The following SYT11 variants were observed in gnomAD, a reference collection of about 807,000 sequenced individuals.
SYT11 encodes synaptotagmin 11, also known as synaptotagmin-11.
In SYT11, 12 loss-of-function variants were observed where a neutral mutation model predicts 30.4. That is an observed-to-expected ratio of 0.39 (90% CI 0.25 to 0.64). SYT11 has a LOEUF of 0.64. Ranked by LOEUF, SYT11 falls within the 30% of genes least tolerant of loss-of-function variation. The pLI is 0.45. For missense variants in SYT11, 412 were observed against 552.0 expected (o/e 0.75, Z 2.54); for synonymous variants, 204 against 216.0 (o/e 0.94, Z 0.49).
intron 1 of SYT11, among the ~76,000 whole-genome samples, chr1:155,865,063 T>A (rs1031389940): frequency 1.3e-5 from 2 of 152,200 alleles, no homozygotes; most frequent in African/African-American, 4.8e-5. Flanking sequence ...CTGACTCTTT[T>A]GTTCACTGAA....
chr1:155,870,105 A>G (rs1672758715), intron 2 of SYT11, among the ~76,000 whole-genome samples: 1 of 152,180 alleles, frequency 6.6e-6, no homozygotes, highest in Non-Finnish European at 1.5e-5. Context: ...TTTTGTAATT[A>G]CTGTATAGTG....
At chr1:155,880,308 G>A (rs189184567) in intron 2 of SYT11, among the ~76,000 whole-genome samples, 192 bp from the exon 3 acceptor site, 1 of 152,138 alleles carries the variant, frequency 6.6e-6, no homozygotes, top group Non-Finnish European at 1.5e-5. Flanking sequence ...TCAGAATTAT[G>A]GTTATAATGT....
At chr1:155,861,467 T>A (rs1672589849) in intron 1 of SYT11, among the ~76,000 whole-genome samples, 1 of 152,240 alleles carries the variant, frequency 6.6e-6, no homozygotes. Context: ...ATAAATTATA[T>A]CAGCCTGTTA....
chr1:155,867,924 A>T, intron 1 of SYT11, 41 bp from the exon 2 acceptor site: 1 of 1,486,708 alleles, frequency 6.7e-7, no homozygotes. Flanking sequence ...ACAGGAGGTG[A>T]AGTCCACCCG....
rs749784785 is a variant in SYT11, at chr1:155,884,145, G to C, written c.*2637G>C. On this transcript the variant is annotated 3_prime_UTR_variant, in exon 4 of 4. Coordinates refer to ENST00000368324, the MANE Select transcript of SYT11 (RefSeq NM_152280.5). Reference sequence around the variant, plus strand: ...TCATCGCCTTAATGTCTAAAGATCAGAAATCGCTGAGCAAACCCGCTTTTG... The same window carrying C: ...TCATCGCCTTAATGTCTAAAGATCACAAATCGCTGAGCAAACCCGCTTTTG... 1 of 152,730 alleles carries C rather than the reference G, an allele frequency of 6.5e-6. No individual in the cohort carries two copies. The highest frequency in any genetic ancestry group is 1.5e-5 in the Non-Finnish European group (1 of 68,040). 9.5% of individuals were successfully genotyped at this position (152,730 alleles called of 1,614,324 possible).
chr1:155,868,592 C>G lies in SYT11; in HGVS notation c.662C>G (p.Pro221Arg). 1 of 1,614,176 alleles carries G rather than the reference C, an allele frequency of 6.2e-7. No individual in the cohort carries two copies. The highest frequency in any genetic ancestry group is 8.5e-7 in the Non-Finnish European group (1 of 1,180,036). The change falls in exon 2 of 4, where the codon CCT becomes CGT. Residue 221 changes from proline (P) to arginine (R), a missense_variant. By Grantham distance (103) the Pro-to-Arg change is moderately radical (BLOSUM62 -2). Transcript: ENST00000368324. This position sits in a 1 kb window ranked among gnomAD's most constrained non-coding sequence, Gnocchi z 4.7. ...AGAGTGCTGCGGAAGACCCTGGACC[C>G]TGTGTTTGACGAGACCTTCACCTTC... ...KTRVLRKTLD[P>R]VFDETFTFYG...
intron 2 of SYT11, among the ~76,000 whole-genome samples, chr1:155,870,262 T>C (rs1327491046): frequency 6.6e-6 from 1 of 152,220 alleles, no homozygotes; most frequent in African/African-American, 2.4e-5. Flanking sequence ...CTAAATGACC[T>C]TGGGCAAGCT....
chr1:155,877,905 G>T (rs1291253526), intron 2 of SYT11, among the ~76,000 whole-genome samples: 1 of 152,060 alleles, frequency 6.6e-6, no homozygotes, highest in Non-Finnish European at 1.5e-5. Context: ...CTCGACTTTA[G>T]CTCATTTTCC....
In SYT11 at chr1:155,866,961, TACAC is replaced by T. The variant is rs1398483736; in HGVS notation, c.35-1002_35-999del. ...ATATATACACACACATATACATATA[TACAC>T]ATACACACACACACACACACACACA... On this transcript the variant is annotated intron_variant, in intron 1 of 3. Coordinates refer to ENST00000368324, the MANE Select transcript of SYT11 (RefSeq NM_152280.5). 4.5e-4 allele frequency among the ~76,000 whole-genome samples: 47 copies of T among 105,424 alleles called. No homozygotes were observed. The Admixed American group carries it at 5.5e-3, about 12-fold the overall frequency. 69.2% of individuals were successfully genotyped at this position (105,424 alleles called of 152,430 possible).
Position 155,884,883 on chromosome 1 carries a change from G to A in SYT11, c.*3375G>A, listed in dbSNP as rs1192879611. ...TGTGGGACAGGGGCAGCTTGCTCAG[G>A]AGAGGGAATAACGCAGGTCCCTTTT... is the stretch of plus-strand genomic sequence containing the variant. On this transcript the variant is annotated 3_prime_UTR_variant, in exon 4 of 4. Coordinates refer to ENST00000368324, the MANE Select transcript of SYT11 (RefSeq NM_152280.5). 1 of 152,768 alleles carries A rather than the reference G, an allele frequency of 6.5e-6. No homozygotes were observed. Among genetic ancestry groups the A allele is most frequent in the Non-Finnish European group, 1.5e-5 (1 of 68,058 alleles). 9.5% of individuals were successfully genotyped at this position (152,768 alleles called of 1,614,324 possible). A position where few individuals can be genotyped will look rare whatever the true frequency, so the allele number is the denominator to read the frequency against.
In SYT11 at chr1:155,865,688, T is replaced by G. The variant is rs561132388; in HGVS notation, c.35-2277T>G. Among the ~76,000 whole-genome samples the G allele has an allele frequency of 1.2e-4, 19 of 152,164 alleles. No homozygotes were observed. In the South Asian group the frequency reaches 2.9e-3, roughly 23 times the overall value. On this transcript the variant is annotated intron_variant, in intron 1 of 3. Coordinates refer to ENST00000368324, the MANE Select transcript of SYT11 (RefSeq NM_152280.5). Reference sequence around the variant, plus strand: ...GGGGAAATGCTGGAATTATGTCTATTTCCTTTTCTTTTTTTTCCTCGCTCT... The same window carrying G: ...GGGGAAATGCTGGAATTATGTCTATGTCCTTTTCTTTTTTTTCCTCGCTCT...
Position 155,868,365 on chromosome 1 carries a change from A to G in SYT11, c.435A>G (p.Lys145=). 6.2e-7 allele frequency: 1 copy of G among 1,613,794 alleles called. No homozygotes were observed. The highest frequency in any genetic ancestry group is 8.5e-7 in the Non-Finnish European group (1 of 1,179,952). Residue 145 remains lysine, a synonymous_variant, in exon 2 of 4, where the codon AAA becomes AAG. Transcript: ENST00000368324. The surrounding 1 kb of genome is among the most constrained non-coding windows in gnomAD (Gnocchi z 4.7). ...PITSLTPGES[K]TTSPSSPEED... is the part of the protein sequence containing the mutation. Reference sequence around the variant, plus strand: ...CAAGCCTGACCCCTGGGGAGAGCAAAACCACCTCTCCATCATCTCCAGAGG... The same window carrying G: ...CAAGCCTGACCCCTGGGGAGAGCAAGACCACCTCTCCATCATCTCCAGAGG...
intron 3 of SYT11, 129 bp downstream of exon 3, chr1:155,880,752 A>C (rs758188813): frequency 8.7e-7 from 1 of 1,150,522 alleles, no homozygotes; most frequent in African/African-American, 1.5e-5. Flanking sequence ...CTTTCTGTAG[A>C]CATTCTCTTC....
In SYT11 at chr1:155,868,777, A is replaced by G. The variant is rs779769270; in HGVS notation, c.847A>G (p.Lys283Glu). The G allele has an allele frequency of 6.2e-7, 1 of 1,613,178 alleles. No individual in the cohort carries two copies. Among genetic ancestry groups the G allele is most frequent in the Non-Finnish European group, 8.5e-7 (1 of 1,179,354 alleles). ...GGTACAACTGACCAGGGACATCATC[A>G]AAAGGAATATCCAGGTGAGTAGGAA... is the stretch of plus-strand genomic sequence containing the variant. The part of the protein sequence containing the change: ...GKVQLTRDII[K>E]RNIQKCISRG... Residue 283 changes from lysine (K) to glutamate (E), a missense_variant, in exon 2 of 4, where the codon AAA (lysine) becomes GAA (glutamate). Lys to Glu is a moderately conservative substitution (Grantham distance 56). Transcript: ENST00000368324. This position sits in a 1 kb window ranked among gnomAD's most constrained non-coding sequence, Gnocchi z 4.7.
rs1281199229 is a variant in SYT11 at position 155,867,061 on chromosome 1, T to C, written c.35-904T>C. On this transcript the variant is annotated intron_variant, in intron 1 of 3. Coordinates refer to ENST00000368324, the MANE Select transcript of SYT11 (RefSeq NM_152280.5). ...AATGGATATATTCATCCTGGAGGAA[T>C]ACCTTTTTTTTTTTGAGACGAAGTC... Among the ~76,000 whole-genome samples the C allele has an allele frequency of 4.5e-5, 3 of 66,152 alleles. No homozygotes were observed. In the East Asian group the frequency reaches 2.8e-3, roughly 61 times the overall value. 43.4% of individuals were successfully genotyped at this position (66,152 alleles called of 152,430 possible).
At chr1:155,876,920 G>A (rs1451948691) in intron 2 of SYT11, among the ~76,000 whole-genome samples, 1 of 151,202 alleles carries the variant, frequency 6.6e-6, no homozygotes, top group Non-Finnish European at 1.5e-5. Context: ...TGAGTAGCTG[G>A]GGTTACAGGC....
intron 2 of SYT11, among the ~76,000 whole-genome samples, chr1:155,871,438 C>A (rs1310228448): frequency 6.6e-6 from 1 of 152,210 alleles, no homozygotes; most frequent in Non-Finnish European, 1.5e-5. Context: ...ACCAGCTGGA[C>A]TCCTCCAGAC....
At chr1:155,877,143 T>C (rs966379224) in intron 2 of SYT11, among the ~76,000 whole-genome samples, 4 of 151,972 alleles carry the variant, frequency 2.6e-5, no homozygotes, top group African/African-American at 9.7e-5. Flanking sequence ...AATTTTTTTG[T>C]ATTTTTAGTA....
At position 155,862,510 on chromosome 1, in the gene SYT11, C is replaced by A. The variant is rs542131504; in HGVS notation, c.34+2715C>A. ...TTCAAAGATGCGTTCATCTGTTTCT[C>A]TTCTTTTCCTTCTCTATCCTCCTGG... On this transcript the variant is annotated intron_variant, in intron 1 of 3. Coordinates refer to ENST00000368324, the MANE Select transcript of SYT11 (RefSeq NM_152280.5). 7.9e-5 allele frequency among the ~76,000 whole-genome samples: 12 copies of A among 152,370 alleles called. No individual in the cohort carries two copies. The South Asian group carries it at 1.5e-3, about 18-fold the overall frequency.
Sources: allele counts gnomAD v4.1 joint callset (sites outside exome capture counted in the v4.1 genomes callset), GRCh38; gene constraint gnomAD v4.1.1; non-coding constraint Gnocchi (gnomAD v3.1); transcripts MANE v1.5; gene names NCBI Gene and HGNC (gene_info 2026-07-23, HGNC 2026-07-21).